UMAD1: variants seen among roughly 807,000 people sequenced by gnomAD.
UMAD1 encodes UBAP1-MVB12-associated (UMA) domain containing 1, also known as UBAP1-MVB12-associated (UMA)-domain containing protein 1.
In UMAD1, 8 loss-of-function variants were observed where a neutral mutation model predicts 6.1. That is an observed-to-expected ratio of 1.30 (90% confidence interval 0.76 to 2.35). UMAD1 has a LOEUF of 2.35. UMAD1 is among the 30% of genes most tolerant of loss of function. UMAD1 has a pLI of 0.00. For synonymous variants in UMAD1, 56 were observed against 31.4 expected, an observed-to-expected ratio of 1.78 and a Z score of -2.61; for missense variants, 130 against 78.4, an observed-to-expected ratio of 1.66 and a Z score of -2.49.
At chr7:7,875,162 A>G (rs1162468743) in intron 3 of UMAD1, among the ~76,000 whole-genome samples, 1 of 152,190 alleles carries the variant, frequency 6.6e-6, no homozygotes, top group Non-Finnish European at 1.5e-5. Context: ...GACACAACGT[A>G]CCAGAATCTC....
At chr7:7,656,304 AT>A (rs1423435714) in intron 1 of UMAD1, among the ~76,000 whole-genome samples, 4 of 152,034 alleles carry the variant, frequency 2.6e-5, no homozygotes, top group African/African-American at 9.7e-5. Flanking sequence ...TTGTTCATGT[AT>A]TTAAAAAAAT....
intron 1 of UMAD1, among the ~76,000 whole-genome samples, chr7:7,654,422 G>A (rs966729526): frequency 6.6e-6 from 1 of 152,206 alleles, no homozygotes; most frequent in African/African-American, 2.4e-5. Context: ...ATTCTGTAGA[G>A]ACAGTACAGT....
chr7:7,769,113 T>C (rs1174131479), intron 2 of UMAD1, among the ~76,000 whole-genome samples: 1 of 152,186 alleles, frequency 6.6e-6, no homozygotes, highest in Non-Finnish European at 1.5e-5. Flanking sequence ...GAAATTTAGC[T>C]TTTGTTTGGC....
Position 7,781,744 on chromosome 7 carries a change from C to T in UMAD1, c.83-19926C>T, listed in dbSNP as rs574417554. ...TTAATTTTGTATTCATCCTTTTTAG[C>T]AAGCTCTTATTAATGTTAACAGTTT... is the stretch of plus-strand genomic sequence containing the variant. On this transcript the variant is annotated intron_variant, in intron 2 of 3. Transcript: ENST00000682710. Among the ~76,000 whole-genome samples, 36 of 152,050 alleles carry T rather than the reference C, an allele frequency of 2.4e-4. 1 individual carries two copies. The highest frequency in any genetic ancestry group is 7.7e-4 in the African/African-American group (32 of 41,524).
chr7:7,731,491 C>CCCAAAA (rs1554321024), intron 2 of UMAD1, among the ~76,000 whole-genome samples: 4 of 134,592 alleles, frequency 3.0e-5, no homozygotes, highest in Non-Finnish European at 4.8e-5. Flanking sequence ...AACCCCCCCC[C>CCCAAAA]AAAAAAAAAA....
chr7:7,826,064 C>G (rs1437244976), intron 3 of UMAD1, among the ~76,000 whole-genome samples: 1 of 151,864 alleles, frequency 6.6e-6, no homozygotes, highest in African/African-American at 2.4e-5. Flanking sequence ...TGGTTTTTTT[C>G]TAATAATTTT....
At chr7:7,650,042 G>A (rs929791085) in intron 1 of UMAD1, among the ~76,000 whole-genome samples, 1 of 152,190 alleles carries the variant, frequency 6.6e-6, no homozygotes, top group African/African-American at 2.4e-5. Flanking sequence ...ATGGTATTTT[G>A]TTATAGCAGC....
At chr7:7,847,378 G>A (rs1464705972) in intron 3 of UMAD1, among the ~76,000 whole-genome samples, 5 of 151,460 alleles carry the variant, frequency 3.3e-5, no homozygotes, top group Non-Finnish European at 7.4e-5. Context: ...AGGAATGACA[G>A]TATTGTCATC....
At chr7:7,646,162 T>G (rs973189405) in intron 1 of UMAD1, among the ~76,000 whole-genome samples, 1 of 152,188 alleles carries the variant, frequency 6.6e-6, no homozygotes, top group Admixed American at 6.5e-5. Flanking sequence ...GACAGCCTTT[T>G]TGGGTTCCCA....
chr7:7,724,543 T>C (rs928070360), intron 2 of UMAD1, among the ~76,000 whole-genome samples: 17 of 152,126 alleles, frequency 1.1e-4, no homozygotes, highest in African/African-American at 3.6e-4. Context: ...CCTGGAAGGA[T>C]TGCAGGGAGT....
intron 2 of UMAD1, among the ~76,000 whole-genome samples, chr7:7,788,903 C>T (rs1392507593): frequency 2.0e-5 from 3 of 152,164 alleles, no homozygotes; most frequent in Non-Finnish European, 4.4e-5. Flanking sequence ...CACATATTCG[C>T]CCTGAAATTC....
intron 1 of UMAD1, among the ~76,000 whole-genome samples, chr7:7,642,403 C>T (rs1175182276): frequency 1.3e-5 from 2 of 151,922 alleles, no homozygotes; most frequent in African/African-American, 4.8e-5. Context: ...ATCCCTCCCT[C>T]CCCCGTCTCC....
At chr7:7,842,172 C>T (rs902464665) in intron 3 of UMAD1, among the ~76,000 whole-genome samples, 3 of 152,144 alleles carry the variant, frequency 2.0e-5, no homozygotes, top group Non-Finnish European at 4.4e-5. Flanking sequence ...CCCAACTGTT[C>T]ATTTATTATT....
At chr7:7,790,616 G>A (rs1462563581) in intron 2 of UMAD1, among the ~76,000 whole-genome samples, 2 of 152,118 alleles carry the variant, frequency 1.3e-5, no homozygotes, top group Non-Finnish European at 2.9e-5. Flanking sequence ...GTAGTGTTTA[G>A]GCTTACCTGA....
At chr7:7,765,046 G>A (rs957515970) in intron 2 of UMAD1, among the ~76,000 whole-genome samples, 4 of 147,106 alleles carry the variant, frequency 2.7e-5, no homozygotes, top group African/African-American at 7.6e-5. Flanking sequence ...GTATTGTCTT[G>A]TTGTCTTTAA....
chr7:7,661,307 C>T (rs899339042), intron 1 of UMAD1, among the ~76,000 whole-genome samples: 1 of 152,142 alleles, frequency 6.6e-6, no homozygotes, highest in Non-Finnish European at 1.5e-5. Context: ...ATCTCTGAAG[C>T]CTCCTTCTTT....
intron 3 of UMAD1, among the ~76,000 whole-genome samples, chr7:7,845,552 T>A (rs1367338931): frequency 1.3e-5 from 2 of 152,128 alleles, no homozygotes. Flanking sequence ...GACACTTTTA[T>A]TATAAGAGGA....
intron 2 of UMAD1, chr7:7,738,374 G>C (rs966404061): frequency 2.0e-5 from 3 of 152,222 alleles, no homozygotes; most frequent in African/African-American, 7.2e-5. Context: ...CTCTATTTGA[G>C]TTGGATAACT....
In UMAD1 at chr7:7,872,946, A is replaced by G. The variant is rs372822569; in HGVS notation, c.157-4335A>G. Reference sequence around the variant, plus strand: ...GAGAGGGAAAGGTATTATTTGAACTACCAGTGAGTGTCAAAAGAGATGAAT... The same window carrying G: ...GAGAGGGAAAGGTATTATTTGAACTGCCAGTGAGTGTCAAAAGAGATGAAT... On this transcript the variant is annotated intron_variant, in intron 3 of 3. Coordinates refer to ENST00000682710, the MANE Select transcript of UMAD1 (RefSeq NM_001302348.2). Among the ~76,000 whole-genome samples, 7 of 152,348 alleles carry G rather than the reference A, an allele frequency of 4.6e-5. 1 individual carries two copies. The highest frequency in any genetic ancestry group is 1.7e-4 in the African/African-American group (7 of 41,574).
Sources: allele counts gnomAD v4.1 joint callset (sites outside exome capture counted in the v4.1 genomes callset), GRCh38; gene constraint gnomAD v4.1.1; transcripts MANE v1.5; gene names NCBI Gene and HGNC (gene_info 2026-07-23, HGNC 2026-07-21).